Variants in AMY2B observed in about 807,000 individuals in gnomAD.
AMY2B encodes amylase alpha 2B, also known as alpha-amylase 2B.
AMY2B carries 63 observed loss-of-function variants against 59.3 expected under a neutral mutation model. The ratio of observed to expected loss-of-function variants is 1.06; its 90% CI spans 0.87 to 1.31. The LOEUF (loss-of-function observed/expected upper bound fraction) is 1.31. Among genes scored for constraint, AMY2B ranks in the 50% most tolerant of loss-of-function variants. The pLI is 0.00. For missense variants in AMY2B, 635 were observed against 626.7 expected, an observed-to-expected ratio of 1.01 and a Z score of -0.14; for synonymous variants, 180 against 198.1, an observed-to-expected ratio of 0.91 and a Z score of 0.77.
intron 1 of AMY2B, among the ~76,000 whole-genome samples, chr1:103,557,365 AAG>A (rs1255053086): frequency 2.0e-5 from 3 of 152,122 alleles, no homozygotes; most frequent in Non-Finnish European, 2.9e-5. Context: ...GAAATTAAGA[AAG>A]AGGCCAGGTG....
At chr1:103,572,309 T>G (rs1367558735) in intron 2 of AMY2B, 53 bp downstream of exon 2, 49 of 1,587,428 alleles carry the variant, frequency 3.1e-5, no homozygotes, top group African/African-American at 4.1e-5. Context: ...ATGATTTCTC[T>G]CTCTTCTTTC....
intron 2 of AMY2B, among the ~76,000 whole-genome samples, chr1:103,566,127 A>T (rs1223125823): frequency 6.6e-6 from 1 of 152,116 alleles, no homozygotes; most frequent in Non-Finnish European, 1.5e-5. Flanking sequence ...ACTTAAAAGC[A>T]ATTTTACCTA....
Position 103,573,227 on chromosome 1 carries a change from T to C in AMY2B, c.480T>C (p.Ser160=). 3 of 1,613,684 alleles carry C rather than the reference T, an allele frequency of 1.9e-6. No homozygotes were observed. The highest frequency in any genetic ancestry group is 1.1e-5 in the South Asian group (1 of 91,076). The change falls in exon 3 of 10, where the codon AGT becomes AGC. Residue 160 remains serine (S), a synonymous_variant. Transcript: ENST00000684275. ...ATGATGGTAAATGTAAAACTGGAAGTGGAGATATCGAGAACTACAATGATG... is the reference window on the plus strand; with the variant it reads ...ATGATGGTAAATGTAAAACTGGAAGCGGAGATATCGAGAACTACAATGATG... ...DFNDGKCKTG[S]GDIENYNDAT...
intron 5 of AMY2B, 122 bp from the exon 6 acceptor site, chr1:103,575,101 T>C: frequency 2.2e-6 from 3 of 1,372,768 alleles, no homozygotes; most frequent in Non-Finnish European, 3.0e-6. Context: ...AGAATAACCA[T>C]TTAATTAGAG....
Position 103,572,947 on chromosome 1 carries a change from A to G in AMY2B, c.316-116A>G. ...TTTTTGATCTTGTAGGAAAATAGTT[A>G]TAAGATATCATGAAATATTTTGGAG... On this transcript the variant is annotated intron_variant, in intron 2 of 9. Transcript: ENST00000684275. 8 of 1,578,534 alleles carry G rather than the reference A, an allele frequency of 5.1e-6. No individual in the cohort carries two copies. In the South Asian group the frequency reaches 9.2e-5, roughly 18 times the overall value.
intron 1 of AMY2B, among the ~76,000 whole-genome samples, chr1:103,560,933 G>A (rs1383926749): frequency 2.0e-5 from 3 of 152,042 alleles, no homozygotes; most frequent in Admixed American, 1.3e-4. Flanking sequence ...TTGAAATTCA[G>A]TCCCAACATG....
intron 7 of AMY2B, among the ~76,000 whole-genome samples, chr1:103,576,282 A>C (rs1400338468): frequency 2.0e-5 from 3 of 152,170 alleles, no homozygotes; most frequent in Non-Finnish European, 4.4e-5. Context: ...ATATCTAGCT[A>C]GCTTTTTTTA....
At position 103,572,025 on chromosome 1, in the gene AMY2B, A is replaced by AT. The variant is rs1196003768; in HGVS notation, c.169-79dup. 2.5e-6 allele frequency: 4 copies of AT among 1,590,258 alleles called. No homozygotes were observed. The Admixed American group carries it at 7.2e-5, about 29-fold the overall frequency. On this transcript the variant is annotated intron_variant, in intron 1 of 9. Coordinates refer to ENST00000684275, the MANE Select transcript of AMY2B (RefSeq NM_001387437.1). ...TAGCTGCATATACCAAGATTCAAGA[A>AT]TTTTTTATATTATTGATTAGTTTCT...
At chr1:103,557,677 T>G (rs1651603987) in intron 1 of AMY2B, among the ~76,000 whole-genome samples, 1 of 151,988 alleles carries the variant, frequency 6.6e-6, no homozygotes, top group African/African-American at 2.4e-5. Context: ...CATAAGAAAT[T>G]TTAATTTTTT....
upstream of AMY2B, chr1:103,570,280 G>A (rs1440234922): frequency 3.5e-6 from 2 of 569,940 alleles, no homozygotes; most frequent in Non-Finnish European, 7.0e-6. Context: ...TGAGCTGCCT[G>A]ATGGCCATGT....
chr1:103,575,082 A>C (rs538343394), intron 5 of AMY2B, 141 bp from the exon 6 acceptor site: 50 of 936,304 alleles, frequency 5.3e-5, no homozygotes, highest in African/African-American at 2.6e-4. Context: ...ATATATATAT[A>C]TATCTTACAG....
upstream of AMY2B, chr1:103,568,849 GTATA>G (rs1200542398): frequency 2.0e-5 from 3 of 151,346 alleles, no homozygotes; most frequent in Non-Finnish European, 4.4e-5. Context: ...GTATGTGTGT[GTATA>G]TATATATGTT....
intron 2 of AMY2B, among the ~76,000 whole-genome samples, chr1:103,565,759 A>G (rs1172191899): frequency 6.6e-6 from 1 of 152,170 alleles, no homozygotes; most frequent in African/African-American, 2.4e-5. Flanking sequence ...TTATATAGGT[A>G]TGGATACTGG....
upstream of AMY2B, chr1:103,570,982 G>T: frequency 2.8e-6 from 1 of 357,532 alleles, no homozygotes; most frequent in South Asian, 2.5e-5. Context: ...GTCTGGCTTG[G>T]TGAGTCTGCA....
At chr1:103,556,789 A>G (rs2101058403) in intron 1 of AMY2B, among the ~76,000 whole-genome samples, 1 of 152,160 alleles carries the variant, frequency 6.6e-6, no homozygotes, top group South Asian at 2.1e-4. Flanking sequence ...TCTCAACAAG[A>G]ACTGTGCTGA....
chr1:103,571,321 G>A (rs369575068), upstream of AMY2B: 27 of 875,304 alleles, frequency 3.1e-5, no homozygotes, highest in East Asian at 2.4e-4. Context: ...CTACTGTTAC[G>A]TGAGAACATT....
At chr1:103,574,075 A>AC (rs1314062414) in intron 4 of AMY2B, 137 bp downstream of exon 4, 1 of 1,521,198 alleles carries the variant, frequency 6.6e-7, no homozygotes, top group African/African-American at 1.4e-5. Context: ...CCTCCTCTTC[A>AC]CATACAGCAT....
At chr1:103,571,809 T>C in intron 1 of AMY2B, 39 bp downstream of exon 1, 1 of 1,611,952 alleles carries the variant, frequency 6.2e-7, no homozygotes. Context: ...GAATTCACTA[T>C]GCTTGTAGTA....
At position 103,575,278 on chromosome 1, in the gene AMY2B, G is replaced by C; in HGVS notation, c.934G>C (p.Asp312His). Residue 312 changes from aspartate to histidine, a missense_variant, in exon 6 of 10, where the codon GAT (aspartate) becomes CAT (histidine). Coordinates refer to ENST00000684275, the MANE Select transcript of AMY2B (RefSeq NM_001387437.1). ...MPSDRALVFV[D>H]NHDNQRGHGA... The stretch of plus-strand genomic sequence containing the variant: ...TTCTGACAGAGCACTTGTCTTTGTG[G>C]ATAACCATGACAATCAACGAGGACA... 6.2e-7 allele frequency: 1 copy of C among 1,613,650 alleles called. No individual in the cohort carries two copies. The highest frequency in any genetic ancestry group is 1.7e-4 in the Middle Eastern group (1 of 6,052).
Sources: gnomAD v4.1 joint callset for allele counts (sites outside exome capture counted in the v4.1 genomes callset) on GRCh38, gnomAD v4.1.1 for gene constraint, MANE v1.5 for transcripts, NCBI Gene and HGNC (gene_info 2026-07-23, HGNC 2026-07-21) for gene names.